The following TICRR variants were observed in gnomAD, a reference collection of about 807,000 sequenced individuals.
TICRR encodes treslin.
A neutral mutation model predicts 178.1 loss-of-function variants in TICRR; 132 were observed. The observed-to-expected ratio is 0.74, with a 90% CI of 0.64 to 0.86. The LOEUF (loss-of-function observed/expected upper bound fraction) is 0.86, where lower values mean the gene tolerates loss of function less well. Ranked by LOEUF, TICRR falls within the 40% of genes least tolerant of loss-of-function variation. The pLI is 0.00. For synonymous variants in TICRR, 991 were observed against 900.7 expected, an observed-to-expected ratio of 1.10 and a Z score of -1.79; for missense variants, 2,587 against 2,334.3, an observed-to-expected ratio of 1.11 and a Z score of -2.23.
intron 6 of TICRR, 44 bp from the exon 7 acceptor site, chr15:89,595,349 G>A (rs765868920): frequency 1.3e-5 from 18 of 1,421,648 alleles, no homozygotes; most frequent in Non-Finnish European, 1.7e-5. Flanking sequence ...TTCCACAGAA[G>A]TGGAAGGCAA....
intron 8 of TICRR, among the ~76,000 whole-genome samples, chr15:89,600,286 G>C (rs1279495447): frequency 1.3e-5 from 2 of 152,152 alleles, no homozygotes; most frequent in Admixed American, 1.3e-4. Flanking sequence ...CTTCTCTAAA[G>C]CAAACAGGAG....
rs771173857 is a variant in TICRR at position 89,627,138 on chromosome 15, G to T, written c.*52G>T. ...TCAAGGAGTCAGCCAGGACCCTGTG[G>T]ACATAAAGAAGTTGGATGCCTGGTC... On this transcript the variant is annotated 3_prime_UTR_variant, in exon 22 of 22. Coordinates refer to ENST00000268138, the MANE Select transcript of TICRR (RefSeq NM_152259.4). The T allele has an allele frequency of 6.2e-7, 1 of 1,604,926 alleles. No individual in the cohort carries two copies. Among genetic ancestry groups the T allele is most frequent in the Non-Finnish European group, 8.5e-7 (1 of 1,175,896 alleles).
In TICRR at chr15:89,625,069, G is replaced by A. The variant is rs765418556; in HGVS notation, c.4759G>A (p.Glu1587Lys). The change falls in exon 20 of 22, where the codon GAG (glutamate) becomes AAG (lysine). Residue 1587 changes from glutamate (E) to lysine (K), a missense_variant. Transcript: ENST00000268138. ...AGACCCCAGCTCTTCATTAGAGGCT[G>A]AGCCCCTCAGCAAGGAGGAGAGCTC... Reference protein sequence around the residue: ...KIDPSSSLEAEPLSKEESSLG... With the variant: ...KIDPSSSLEAKPLSKEESSLG... 9 of 1,613,786 alleles carry A rather than the reference G, an allele frequency of 5.6e-6. No homozygotes were observed. Among genetic ancestry groups the A allele is most frequent in the East Asian group, 2.2e-5 (1 of 44,854 alleles).
Position 89,625,025 on chromosome 15 carries a change from A to G in TICRR, c.4715A>G (p.Lys1572Arg). 1 of 1,614,004 alleles carries G rather than the reference A, an allele frequency of 6.2e-7. No homozygotes were observed. Among genetic ancestry groups the G allele is most frequent in the Non-Finnish European group, 8.5e-7 (1 of 1,180,002 alleles). ...GAGATGCAAGCTTCTGGCCTTCCCA[A>G]ACTTCGAATTAAGAAGATAGACCCC... ...ELEMQASGLP[K>R]LRIKKIDPSS... Residue 1572 changes from lysine to arginine, a missense_variant, in exon 20 of 22, where the codon AAA (lysine) becomes AGA (arginine). Transcript: ENST00000268138.
At chr15:89,626,910 G>C (rs567939114) in intron 21 of TICRR, 46 bp from the exon 22 acceptor site, 1 of 1,593,576 alleles carries the variant, frequency 6.3e-7, no homozygotes, top group Admixed American at 1.7e-5. Context: ...TTTTCAGTTC[G>C]GTCCTCTGTG....
chr15:89,602,077 T>G (rs1336138791), intron 12 of TICRR, 101 bp downstream of exon 12: 2 of 1,430,720 alleles, frequency 1.4e-6, no homozygotes, highest in Non-Finnish European at 1.9e-6. Context: ...TATAATTTGT[T>G]GAACTAATAG....
At position 89,619,296 on chromosome 15, in the gene TICRR, G is replaced by A. The variant is rs140496989; in HGVS notation, c.3020-412G>A. 9.2e-3 allele frequency among the ~76,000 whole-genome samples: 1,195 copies of A among 130,298 alleles called. 20 individuals carry two copies. Among genetic ancestry groups the A allele is most frequent in the African/African-American group, 0.034 (1,147 of 33,852 alleles). 85.5% of individuals were successfully genotyped at this position (130,298 alleles called of 152,430 possible). A position where few individuals can be genotyped will look rare whatever the true frequency, so the allele number is the denominator to read the frequency against. The stretch of plus-strand genomic sequence containing the variant: ...GCTGGAGTGCACTGGCATGCTCTCC[G>A]CTCACTGCAACCTCCACCTCCCAGG... On this transcript the variant is annotated intron_variant, in intron 17 of 21. Coordinates refer to ENST00000268138, the MANE Select transcript of TICRR (RefSeq NM_152259.4).
intron 7 of TICRR, among the ~76,000 whole-genome samples, 199 bp from the exon 8 acceptor site, chr15:89,599,125 G>A (rs1216798466): frequency 1.3e-5 from 2 of 151,760 alleles, no homozygotes; most frequent in Non-Finnish European, 2.9e-5. Context: ...ATTGTAGGAT[G>A]TTTAACAGCA....
intron 15 of TICRR, among the ~76,000 whole-genome samples, chr15:89,613,193 T>A (rs1351640553): frequency 2.0e-5 from 3 of 152,236 alleles, no homozygotes; most frequent in African/African-American, 7.2e-5. Flanking sequence ...GAAGAATACT[T>A]TCATTGGGTA....
intron 13 of TICRR, 74 bp from the exon 14 acceptor site, chr15:89,606,694 C>A: frequency 1.7e-6 from 2 of 1,184,914 alleles, no homozygotes; most frequent in Non-Finnish European, 2.5e-6. Flanking sequence ...TCAAAGAGTT[C>A]ATGTGAAATC....
At chr15:89,616,952 G>A (rs1190886620) in intron 16 of TICRR, among the ~76,000 whole-genome samples, 1 of 152,084 alleles carries the variant, frequency 6.6e-6, no homozygotes, top group Non-Finnish European at 1.5e-5. Context: ...CTAGTTCTTT[G>A]GCTTGAGAGC....
At chr15:89,581,293 A>G (rs779849636) in intron 1 of TICRR, among the ~76,000 whole-genome samples, 11 of 152,188 alleles carry the variant, frequency 7.2e-5, no homozygotes, top group Admixed American at 3.3e-4. Flanking sequence ...TCATATTCCC[A>G]TAGTAGCTGA....
chr15:89,583,701 G>A (rs897597116), intron 2 of TICRR, among the ~76,000 whole-genome samples: 1 of 151,618 alleles, frequency 6.6e-6, no homozygotes, highest in Non-Finnish European at 1.5e-5. Flanking sequence ...TTTGAGACAA[G>A]GTCTTGCTTT....
In TICRR at chr15:89,606,303, A is replaced by G. The variant is rs548254127; in HGVS notation, c.2665-465A>G. ...AATGCTTAGGAGCAGAAGTGTTTCC[A>G]TTCTTAGATGTTTTTGGATTTTGGA... On this transcript the variant is annotated intron_variant, in intron 13 of 21. Transcript: ENST00000268138. Among the ~76,000 whole-genome samples the G allele has an allele frequency of 3.3e-5, 5 of 152,304 alleles. No individual in the cohort carries two copies. In the South Asian group the frequency reaches 1.0e-3, roughly 32 times the overall value.
chr15:89,595,425 A>T lies in TICRR; in HGVS notation c.1714A>T (p.Met572Leu). ...GVPRTPVRQK[M>L]NTMCRSLKML... ...CCCTCGTACTCCAGTGAGACAGAAG[A>T]TGAATACCATGTGCCGTTCCTTAAA... The change falls in exon 7 of 22, where the codon ATG becomes TTG. Residue 572 changes from methionine to leucine, a missense_variant. Physicochemically the swap from Met to Leu is conservative, Grantham distance 15 (BLOSUM62 2). Coordinates refer to ENST00000268138, the MANE Select transcript of TICRR (RefSeq NM_152259.4). 6.2e-7 allele frequency: 1 copy of T among 1,614,084 alleles called. No individual in the cohort carries two copies. Among genetic ancestry groups the T allele is most frequent in the South Asian group, 1.1e-5 (1 of 91,082 alleles).
At chr15:89,611,020 C>T (rs969082944) in intron 15 of TICRR, among the ~76,000 whole-genome samples, 9 of 151,532 alleles carry the variant, frequency 5.9e-5, no homozygotes, top group African/African-American at 1.9e-4. Context: ...ACATTGTGTA[C>T]CTGTTAATAC....
intron 16 of TICRR, 72 bp from the exon 17 acceptor site, chr15:89,618,080 A>T: frequency 6.9e-7 from 1 of 1,448,034 alleles, no homozygotes; most frequent in Non-Finnish European, 9.7e-7. Context: ...TTAAGTGAGA[A>T]GCTGCCTGTC....
chr15:89,599,226 G>A, intron 7 of TICRR, 98 bp from the exon 8 acceptor site: 5 of 949,972 alleles, frequency 5.3e-6, no homozygotes, highest in Non-Finnish European at 7.4e-6. Context: ...AATGTTCCCT[G>A]CAAGGAAATA....
intron 16 of TICRR, among the ~76,000 whole-genome samples, chr15:89,617,113 CCTT>C (rs1963347528): frequency 1.3e-5 from 2 of 152,158 alleles, no homozygotes; most frequent in Non-Finnish European, 2.9e-5. Context: ...AGCCAGGCTG[CCTT>C]CTTCTCTCTG....
Sources: allele counts gnomAD v4.1 joint callset (sites outside exome capture counted in the v4.1 genomes callset), GRCh38; gene constraint gnomAD v4.1.1; transcripts MANE v1.5; gene names NCBI Gene and HGNC (gene_info 2026-07-23, HGNC 2026-07-21).